Variants in WDFY3 observed in about 807,000 individuals in gnomAD.
The protein encoded by WDFY3 is WD repeat and FYVE domain-containing protein 3.
A neutral mutation model predicts 409.6 loss-of-function variants in WDFY3; 66 were observed. The observed-to-expected ratio is 0.16, with a 90% CI of 0.13 to 0.20. The LOEUF is 0.20. WDFY3 is among the 10% of genes least tolerant of loss of function. WDFY3 has a pLI of 1.00. For synonymous variants in WDFY3, 1,521 were observed against 1,537.1 expected (o/e 0.99, Z 0.25); for missense variants, 3,031 against 4,298.1 (o/e 0.71, Z 8.24).
chr4:84,713,403 A>C (rs2149022160), intron 50 of WDFY3, among the ~76,000 whole-genome samples, 164 bp from the exon 51 acceptor site: 1 of 152,334 alleles, frequency 6.6e-6, no homozygotes, highest in African/African-American at 2.4e-5. Context: ...GACTTCTCTA[A>C]AGAGGAAATA....
intron 53 of WDFY3, among the ~76,000 whole-genome samples, chr4:84,706,729 C>T (rs1005972649): frequency 2.0e-5 from 3 of 151,818 alleles, no homozygotes; most frequent in Non-Finnish European, 4.4e-5. Flanking sequence ...AAGAAATGCA[C>T]GATGGGCACC....
At chr4:84,880,686 TATATATATA>T (rs1560991035) in intron 3 of WDFY3, among the ~76,000 whole-genome samples, 1 of 31,042 alleles carries the variant, frequency 3.2e-5, no homozygotes, top group African/African-American at 1.1e-4. Context: ...TATATATATA[TATATATATA>T]TATATATATA....
In WDFY3 at chr4:84,836,931, G is replaced by C; in HGVS notation, c.574C>G (p.Gln192Glu). The C allele has an allele frequency of 1.3e-6, 2 of 1,571,368 alleles. No individual in the cohort carries two copies. The highest frequency in any genetic ancestry group is 8.6e-7 in the Non-Finnish European group (1 of 1,158,354). ...TAGGCAAATAGCACCTTTCATACCT[G>C]TACAAAAACTTTCTGGAGTAGTCCT... ...RRGLLQKVFV[Q>E]ILVKLCSFVS... Residue 192 changes from glutamine to glutamate, a missense_variant and splice_region_variant, in exon 7 of 68, where the codon CAG becomes GAG. Coordinates refer to ENST00000295888, the MANE Select transcript of WDFY3 (RefSeq NM_014991.6).
At chr4:84,857,323 T>C (rs968404893) in intron 4 of WDFY3, among the ~76,000 whole-genome samples, 6 of 152,160 alleles carry the variant, frequency 3.9e-5, no homozygotes, top group Non-Finnish European at 7.4e-5. Context: ...CAAATAGTCA[T>C]GAGATTCTTC....
Position 84,878,867 on chromosome 4 carries a change from T to A in WDFY3, c.-32+18044A>T, listed in dbSNP as rs547743186. ...AATTCACCACTAATAACCAAAAGGCTGCACTGCACACTCTGTGTTTGCATC... is the reference window on the plus strand; with the variant it reads ...AATTCACCACTAATAACCAAAAGGCAGCACTGCACACTCTGTGTTTGCATC... On this transcript the variant is annotated intron_variant, in intron 3 of 67. Coordinates refer to ENST00000295888, the MANE Select transcript of WDFY3 (RefSeq NM_014991.6). Among the ~76,000 whole-genome samples, 21 of 152,324 alleles carry A rather than the reference T, an allele frequency of 1.4e-4. No individual in the cohort carries two copies. In the South Asian group the frequency reaches 4.1e-3, roughly 30 times the overall value.
At chr4:84,779,459 C>T (rs1322760750) in intron 26 of WDFY3, among the ~76,000 whole-genome samples, 5 of 151,208 alleles carry the variant, frequency 3.3e-5, no homozygotes, top group Non-Finnish European at 7.4e-5. Context: ...TTCGCCCAGG[C>T]TGGAATGCAA....
chr4:84,860,635 G>A lies in WDFY3; in HGVS notation c.-31-13C>T, dbSNP rs761500947. On this transcript the variant is annotated splice_polypyrimidine_tract_variant and intron_variant, in intron 3 of 67. Transcript: ENST00000295888. ...CGCACTTCTAATTCTGTAGGAAAAT[G>A]TCAATACATGAACAGTCAAAACATC... is the stretch of plus-strand genomic sequence containing the variant. 3 of 1,547,932 alleles carry A rather than the reference G, an allele frequency of 1.9e-6. No individual in the cohort carries two copies. The highest frequency in any genetic ancestry group is 4.6e-5 in the East Asian group (2 of 43,412).
chr4:84,695,781 A>G (rs974321107), intron 58 of WDFY3, among the ~76,000 whole-genome samples, 189 bp downstream of exon 58: 9 of 152,114 alleles, frequency 5.9e-5, no homozygotes, highest in Admixed American at 4.6e-4. Context: ...TTAAACAAAA[A>G]TTTTTATTTA....
chr4:84,841,472 T>C (rs1035253562), intron 5 of WDFY3, among the ~76,000 whole-genome samples: 5 of 152,198 alleles, frequency 3.3e-5, no homozygotes, highest in Non-Finnish European at 7.3e-5. Context: ...CCAACCTATA[T>C]ATTTCAGGAA....
At chr4:84,759,284 C>T (rs996342245) in intron 32 of WDFY3, among the ~76,000 whole-genome samples, 5 of 152,004 alleles carry the variant, frequency 3.3e-5, no homozygotes, top group East Asian at 1.9e-4. Flanking sequence ...CTTGGGGATG[C>T]GGGCTCTTTT....
chr4:84,870,182 A>T (rs1316817053), intron 3 of WDFY3, among the ~76,000 whole-genome samples: 1 of 152,244 alleles, frequency 6.6e-6, no homozygotes. Flanking sequence ...AACATGTACT[A>T]ATATGAAAAG....
intron 3 of WDFY3, among the ~76,000 whole-genome samples, chr4:84,875,931 A>G (rs1214680335): frequency 2.6e-5 from 4 of 152,194 alleles, no homozygotes; most frequent in African/African-American, 7.2e-5. Flanking sequence ...GCTGTCTTAC[A>G]GTTAGTTTTC....
intron 32 of WDFY3, among the ~76,000 whole-genome samples, chr4:84,762,695 A>T (rs1195549689): frequency 6.6e-6 from 1 of 152,202 alleles, no homozygotes; most frequent in African/African-American, 2.4e-5. Context: ...AGTCTGTAAA[A>T]TTATTGTTTT....
At chr4:84,789,037 AAAAATAAAAT>A (rs778942476) in intron 22 of WDFY3, among the ~76,000 whole-genome samples, 1 of 152,080 alleles carries the variant, frequency 6.6e-6, no homozygotes, top group Non-Finnish European at 1.5e-5. Flanking sequence ...GAAAAACAAT[AAAAATAAAAT>A]AAAATAAAAT....
At chr4:84,905,205 G>A (rs1244415151) in intron 2 of WDFY3, among the ~76,000 whole-genome samples, 8 of 152,204 alleles carry the variant, frequency 5.3e-5, no homozygotes, top group Admixed American at 4.6e-4. Flanking sequence ...CCATCATGGC[G>A]TGTGCCTGTA....
intron 32 of WDFY3, among the ~76,000 whole-genome samples, chr4:84,759,398 A>G (rs1742092204): frequency 6.6e-6 from 1 of 152,158 alleles, no homozygotes; most frequent in African/African-American, 2.4e-5. Context: ...CTTGGGCAGT[A>G]TGACCATTTT....
chr4:84,687,247 G>T (rs187116929), intron 62 of WDFY3, among the ~76,000 whole-genome samples: 1 of 151,952 alleles, frequency 6.6e-6, no homozygotes, highest in Non-Finnish European at 1.5e-5. Flanking sequence ...GGGTTCAAGC[G>T]GTTCTCCTGC....
chr4:84,773,237 T>C (rs192238753), intron 29 of WDFY3, among the ~76,000 whole-genome samples: 136 of 152,316 alleles, frequency 8.9e-4, no homozygotes, highest in Middle Eastern at 3.4e-3. Context: ...TAGGTGATAA[T>C]ATTTAGTTTG....
intron 26 of WDFY3, 119 bp downstream of exon 26, chr4:84,779,989 C>T: frequency 8.6e-7 from 1 of 1,157,586 alleles, no homozygotes. Flanking sequence ...ACTACTGTCT[C>T]TTTAAGTTTC....
Sources: gnomAD v4.1 joint callset for allele counts (sites outside exome capture counted in the v4.1 genomes callset) on GRCh38, gnomAD v4.1.1 for gene constraint, MANE v1.5 for transcripts, NCBI Gene and HGNC (gene_info 2026-07-23, HGNC 2026-07-21) for gene names.